The following THEMIS2 variants were observed in gnomAD, a reference collection of about 807,000 sequenced individuals.
THEMIS2 encodes protein THEMIS2.
A neutral mutation model predicts 46.8 loss-of-function variants in THEMIS2; 29 were observed. The observed-to-expected ratio is 0.62, with a 90% CI of 0.46 to 0.84. The LOEUF (loss-of-function observed/expected upper bound fraction) is 0.84. Among genes scored for constraint, THEMIS2 ranks in the 40% least tolerant of loss-of-function variants. The pLI is 0.00. For synonymous variants in THEMIS2, 335 were observed against 349.1 expected (o/e 0.96, Z 0.45); for missense variants, 698 against 834.7 (o/e 0.84, Z 2.02).
intron 1 of THEMIS2, among the ~76,000 whole-genome samples, 198 bp from the exon 2 acceptor site, chr1:27,876,390 A>G (rs2089579227): frequency 1.3e-5 from 2 of 152,078 alleles, no homozygotes; most frequent in Admixed American, 1.3e-4. Context: ...AGCGGGGTGC[A>G]CCGATGCCAG....
chr1:27,883,525 T>C (rs1330898824), intron 4 of THEMIS2: 5 of 160,586 alleles, frequency 3.1e-5, no homozygotes, highest in Admixed American at 5.9e-5. Context: ...CATGGGATGA[T>C]GCAAACCCCT....
In THEMIS2 at chr1:27,886,295, C is replaced by T. The variant is rs11399; in HGVS notation, c.*373C>T. The T allele has an allele frequency of 0.095, 24,557 of 257,912 alleles. 1,366 individuals carry two copies. The highest frequency in any genetic ancestry group is 0.16 in the Admixed American group (3,085 of 19,744). 16.0% of individuals were successfully genotyped at this position (257,912 alleles called of 1,614,324 possible). ...CAGCGCAGTGCCAATGCTGATCACA[C>T]TGCATGGGAGATTTTGTTAACGTCT... On this transcript the variant is annotated 3_prime_UTR_variant, in exon 6 of 6. Transcript: ENST00000373921.
intron 5 of THEMIS2, 89 bp downstream of exon 5, chr1:27,885,540 G>C: frequency 6.7e-7 from 1 of 1,484,596 alleles, no homozygotes; most frequent in Non-Finnish European, 9.0e-7. Context: ...CCCTGTCCAG[G>C]GACAGACCCT....
In THEMIS2 at chr1:27,881,014, A is replaced by G. The variant is rs560784004; in HGVS notation, c.647-957A>G. Among the ~76,000 whole-genome samples the G allele has an allele frequency of 1.7e-3, 261 of 152,112 alleles. 1 individual carries two copies. Among genetic ancestry groups the G allele is most frequent in the African/African-American group, 4.6e-3 (189 of 41,536 alleles). On this transcript the variant is annotated intron_variant, in intron 3 of 5. Coordinates refer to ENST00000373921, the MANE Select transcript of THEMIS2 (RefSeq NM_001105556.3). ...AGGCTGGTCTGGAACTCCTGACCTC[A>G]GGTGATCTGCCCACCTCGGCCTCCC...
At chr1:27,879,536 A>T (rs1195904621) in intron 2 of THEMIS2, 108 bp from the exon 3 acceptor site, 2 of 986,272 alleles carry the variant, frequency 2.0e-6, no homozygotes, top group Non-Finnish European at 1.5e-6. Context: ...TCCCTGGGGG[A>T]TTCTGGCTGG....
intron 5 of THEMIS2, among the ~76,000 whole-genome samples, 192 bp from the exon 6 acceptor site, chr1:27,885,675 C>A (rs1265074708): frequency 6.6e-6 from 1 of 152,112 alleles, no homozygotes; most frequent in Non-Finnish European, 1.5e-5. Context: ...AACATACTAC[C>A]CTCCCTGCAG....
At chr1:27,878,567 A>G (rs1224901172) in intron 2 of THEMIS2, among the ~76,000 whole-genome samples, 1 of 24,212 alleles carries the variant, frequency 4.1e-5, no homozygotes, top group South Asian at 1.3e-3. Context: ...CTCTCCATAC[A>G]TACACACACA....
chr1:27,886,235 A>G lies in THEMIS2; in HGVS notation c.*313A>G, dbSNP rs1339617631. On this transcript the variant is annotated 3_prime_UTR_variant, in exon 6 of 6. Transcript: ENST00000373921. ...CCCCAGCTGTCCCACCGGTGGATGCAGAGGGGAATCCGAGGCCATCAACCT... is the reference window on the plus strand; with the variant it reads ...CCCCAGCTGTCCCACCGGTGGATGCGGAGGGGAATCCGAGGCCATCAACCT... The G allele has an allele frequency of 2.5e-6, 1 of 394,654 alleles. No individual in the cohort carries two copies. Among genetic ancestry groups the G allele is most frequent in the Admixed American group, 4.0e-5 (1 of 25,196 alleles). 24.4% of individuals were successfully genotyped at this position (394,654 alleles called of 1,614,324 possible).
intron 2 of THEMIS2, among the ~76,000 whole-genome samples, chr1:27,877,847 G>T (rs2089608623): frequency 1.3e-5 from 2 of 152,108 alleles, no homozygotes; most frequent in African/African-American, 4.8e-5. Context: ...GCACTTAGAA[G>T]GGGGCCTGGG....
chr1:27,872,774 G>T lies in THEMIS2; in HGVS notation c.94+109G>T. The T allele has an allele frequency of 1.1e-6, 1 of 897,754 alleles. No homozygotes were observed. The highest frequency in any genetic ancestry group is 3.7e-5 in the South Asian group (1 of 27,188). The allele number at this position is 897,754 out of a possible 1,614,324, so 55.6% of individuals were successfully genotyped here. On this transcript the variant is annotated intron_variant, in intron 1 of 5. Transcript: ENST00000373921. This position sits in a 1 kb window ranked among gnomAD's most constrained non-coding sequence, Gnocchi z 4.9. The stretch of plus-strand genomic sequence containing the variant: ...GAAACTGCCCCTGGGTTCAAATCCC[G>T]ACACTGCCACTGGCCAAGCTGTGTG...
At chr1:27,874,986 T>TC (rs1339668524) in intron 1 of THEMIS2, among the ~76,000 whole-genome samples, 1 of 148,554 alleles carries the variant, frequency 6.7e-6, no homozygotes, top group Admixed American at 6.7e-5. Context: ...TTCTTCTTCT[T>TC]TTTTTTTTTT....
rs114178455 is a variant in THEMIS2, at chr1:27,873,134, T to C, written c.94+469T>C. On this transcript the variant is annotated intron_variant, in intron 1 of 5. Transcript: ENST00000373921. ...TCCACCTTGGCCTTCTGTTTGACCA[T>C]GGGCAGTACTTGATTTGATCAGCTC... Among the ~76,000 whole-genome samples the C allele has an allele frequency of 3.8e-3, 574 of 152,234 alleles. 5 individuals carry two copies. Among genetic ancestry groups the C allele is most frequent in the African/African-American group, 0.013 (544 of 41,544 alleles).
At chr1:27,876,847 G>T in intron 2 of THEMIS2, 119 bp downstream of exon 2, 1 of 1,277,026 alleles carries the variant, frequency 7.8e-7, no homozygotes. Context: ...TGCTCCCGAG[G>T]CCCTCACATT....
Position 27,882,862 on chromosome 1 carries a change from A to G in THEMIS2, c.1538A>G (p.Lys513Arg), listed in dbSNP as rs1181275079. ...CTGGACCTGACTGTTGTGAAGGCCA[A>G]GGGGCAGCCAGACTTGCCAGAGGGG... is the stretch of plus-strand genomic sequence containing the variant. The part of the protein sequence containing the change: ...RWLDLTVVKA[K>R]GQPDLPEGSL... The change falls in exon 4 of 6, where the codon AAG becomes AGG. Residue 513 changes from lysine (K) to arginine (R), a missense_variant. Physicochemically the swap from Lys to Arg is conservative, Grantham distance 26. Transcript: ENST00000373921. The surrounding 1 kb of genome is among the most constrained non-coding windows in gnomAD (Gnocchi z 7.6). The G allele has an allele frequency of 1.2e-6, 2 of 1,613,934 alleles. No homozygotes were observed. Among genetic ancestry groups the G allele is most frequent in the Non-Finnish European group, 1.7e-6 (2 of 1,179,966 alleles).
In THEMIS2 at chr1:27,879,783, T is replaced by TGAG; in HGVS notation, c.378_380dup (p.Glu126dup). ...TTGTCACAGAGGGCAGGGTGGTGACTGAGGACCAGCTCCTCATGCTTGAGG... is the reference window on the plus strand; with the variant it reads ...TTGTCACAGAGGGCAGGGTGGTGACTGAGGAGGACCAGCTCCTCATGCTTGAGG... On this transcript the variant is annotated inframe_insertion, in exon 3 of 6. Transcript: ENST00000373921. 1.9e-6 allele frequency: 3 copies of TGAG among 1,614,100 alleles called. No homozygotes were observed. Among genetic ancestry groups the TGAG allele is most frequent in the Non-Finnish European group, 1.7e-6 (2 of 1,179,976 alleles).
At position 27,882,318 on chromosome 1, in the gene THEMIS2, C is replaced by T. The variant is rs200386282; in HGVS notation, c.994C>T (p.Pro332Ser). The T allele has an allele frequency of 2.9e-4, 459 of 1,593,642 alleles. No homozygotes were observed. Among genetic ancestry groups the T allele is most frequent in the Non-Finnish European group, 3.7e-4 (438 of 1,168,656 alleles). Residue 332 changes from proline (P) to serine (S), a missense_variant, in exon 4 of 6, where the codon CCC becomes TCC. Transcript: ENST00000373921. The surrounding 1 kb of genome is among the most constrained non-coding windows in gnomAD (Gnocchi z 7.6). ...GKLRRRPREFPTAYDLLGAFQ... is the reference protein window; with the variant it reads ...GKLRRRPREFSTAYDLLGAFQ... Reference sequence around the variant, plus strand: ...GCTGCGGCGGCGGCCAAGGGAGTTCCCCACGGCCTATGACCTCCTAGGTGC... The same window carrying T: ...GCTGCGGCGGCGGCCAAGGGAGTTCTCCACGGCCTATGACCTCCTAGGTGC...
At position 27,872,802 on chromosome 1, in the gene THEMIS2, T is replaced by C. The variant is rs180714347; in HGVS notation, c.94+137T>C. On this transcript the variant is annotated intron_variant, in intron 1 of 5. Coordinates refer to ENST00000373921, the MANE Select transcript of THEMIS2 (RefSeq NM_001105556.3). This position sits in a 1 kb window ranked among gnomAD's most constrained non-coding sequence, Gnocchi z 4.9. Reference sequence around the variant, plus strand: ...ACTGCCACTGGCCAAGCTGTGTGATTTGGGGCCGCACTCAACCTCTTTGGA... The same window carrying C: ...ACTGCCACTGGCCAAGCTGTGTGATCTGGGGCCGCACTCAACCTCTTTGGA... 226 of 709,350 alleles carry C rather than the reference T, an allele frequency of 3.2e-4. No individual in the cohort carries two copies. The African/African-American group carries it at 3.8e-3, about 12-fold the overall frequency. 43.9% of individuals were successfully genotyped at this position (709,350 alleles called of 1,614,324 possible). A position where few individuals can be genotyped will look rare whatever the true frequency, so the allele number is the denominator to read the frequency against.
Position 27,876,618 on chromosome 1 carries a change from G to A in THEMIS2, c.125G>A (p.Cys42Tyr), listed in dbSNP as rs1455261125. 1 of 1,613,988 alleles carries A rather than the reference G, an allele frequency of 6.2e-7. No individual in the cohort carries two copies. Among genetic ancestry groups the A allele is most frequent in the South Asian group, 1.1e-5 (1 of 91,056 alleles). ...ATCTATGAGATCTCTGGGAATGAGTGCTGCCTCTCCACGGGGGACCTGATC... is the reference window on the plus strand; with the variant it reads ...ATCTATGAGATCTCTGGGAATGAGTACTGCCTCTCCACGGGGGACCTGATC... ...GSIYEISGNE[C>Y]CLSTGDLIKV... The change falls in exon 2 of 6, where the codon TGC becomes TAC. Residue 42 changes from cysteine to tyrosine, a missense_variant. By Grantham distance (194) the Cys-to-Tyr change is radical. Coordinates refer to ENST00000373921, the MANE Select transcript of THEMIS2 (RefSeq NM_001105556.3).
intron 3 of THEMIS2, among the ~76,000 whole-genome samples, chr1:27,881,464 A>AAGGTTGAAGGGAAAG (rs2089677523): frequency 6.6e-6 from 1 of 151,360 alleles, no homozygotes; most frequent in South Asian, 2.1e-4. Context: ...AAAAAAAAAG[A>AAGGTTGAAGGGAAAG]AGGTTGAAGG....
Sources: gnomAD v4.1 joint callset for allele counts (sites outside exome capture counted in the v4.1 genomes callset) on GRCh38, gnomAD v4.1.1 for gene constraint, Gnocchi (gnomAD v3.1) non-coding constraint, MANE v1.5 for transcripts, NCBI Gene and HGNC (gene_info 2026-07-23, HGNC 2026-07-21) for gene names.